NFX1: variants seen among roughly 807,000 people sequenced by gnomAD.
The protein encoded by NFX1 is nuclear transcription factor, X-box binding 1.
In NFX1, 69 loss-of-function variants were observed where a neutral mutation model predicts 137.2. That is an observed-to-expected ratio of 0.50 (90% CI 0.41 to 0.61). The LOEUF is 0.61. Ranked by LOEUF, NFX1 falls within the 20% of genes least tolerant of loss-of-function variation. The pLI is 0.00. For synonymous variants in NFX1, 495 were observed against 474.1 expected (o/e 1.04, Z -0.57); for missense variants, 1,167 against 1,391.0 (o/e 0.84, Z 2.56).
At chr9:33,345,212 C>T (rs536649619) in intron 14 of NFX1, among the ~76,000 whole-genome samples, 1 of 151,044 alleles carries the variant, frequency 6.6e-6, no homozygotes, top group South Asian at 2.1e-4. Context: ...TGCAGTGACT[C>T]ACACCTGTAA....
chr9:33,322,512 T>G (rs910442476), intron 9 of NFX1, among the ~76,000 whole-genome samples: 11 of 152,156 alleles, frequency 7.2e-5, no homozygotes, highest in South Asian at 4.1e-4. Flanking sequence ...GAAATTCTGG[T>G]GAGTGCAGCT....
intron 4 of NFX1, among the ~76,000 whole-genome samples, chr9:33,305,817 G>A (rs894303228): frequency 3.3e-5 from 5 of 152,196 alleles, no homozygotes; most frequent in African/African-American, 1.2e-4. Context: ...AGCTGGAGGA[G>A]TGAGCAGAAC....
intron 9 of NFX1, among the ~76,000 whole-genome samples, chr9:33,327,455 C>T (rs1282769222): frequency 6.6e-6 from 1 of 152,242 alleles, no homozygotes; most frequent in Non-Finnish European, 1.5e-5. Context: ...ACCTCCGCCT[C>T]CCAGGTTCAA....
chr9:33,324,578 G>A (rs186686808), intron 9 of NFX1, among the ~76,000 whole-genome samples: 171 of 152,126 alleles, frequency 1.1e-3, no homozygotes, highest in African/African-American at 4.0e-3. Context: ...CATTAAAGGG[G>A]CTCAATAGTA....
intron 1 of NFX1, among the ~76,000 whole-genome samples, chr9:33,291,857 C>G (rs772856084): frequency 6.6e-6 from 1 of 152,140 alleles, no homozygotes; most frequent in Admixed American, 6.5e-5. Context: ...GAGCCAAGAT[C>G]GTGCCACTGC....
At chr9:33,352,359 G>A (rs904856398) in intron 16 of NFX1, 1 of 536,346 alleles carries the variant, frequency 1.9e-6, no homozygotes, top group Non-Finnish European at 3.6e-6. Context: ...CCTAGGGCAA[G>A]TGTCTGTCTC....
At chr9:33,330,547 T>A (rs550091038) in intron 10 of NFX1, among the ~76,000 whole-genome samples, 1 of 152,350 alleles carries the variant, frequency 6.6e-6, no homozygotes, top group East Asian at 1.9e-4. Flanking sequence ...ATGCTGTGAT[T>A]TGGCAATCAT....
intron 19 of NFX1, among the ~76,000 whole-genome samples, chr9:33,362,082 C>G (rs1338168692): frequency 1.4e-5 from 2 of 141,390 alleles, no homozygotes; most frequent in African/African-American, 5.3e-5. Context: ...GATCATGCCA[C>G]TGCACTCCAG....
At chr9:33,309,988 A>T (rs1821905917) in intron 5 of NFX1, among the ~76,000 whole-genome samples, 1 of 152,234 alleles carries the variant, frequency 6.6e-6, no homozygotes, top group Non-Finnish European at 1.5e-5. Context: ...TGAGGTATAT[A>T]TAAAATATAA....
intron 2 of NFX1, among the ~76,000 whole-genome samples, chr9:33,297,130 C>T (rs1243362764): frequency 6.6e-6 from 1 of 152,196 alleles, no homozygotes; most frequent in African/African-American, 2.4e-5. Context: ...CCTCTCCTTA[C>T]TGCAAATCAG....
In NFX1 at chr9:33,307,202, A is replaced by G. The variant is rs1371445151; in HGVS notation, c.1279A>G (p.Lys427Glu). The change falls in exon 5 of 24, where the codon AAG becomes GAG. Residue 427 changes from lysine to glutamate, a missense_variant. Physicochemically the swap from Lys to Glu is moderately conservative, Grantham distance 56. Coordinates refer to ENST00000379540, the MANE Select transcript of NFX1 (RefSeq NM_002504.6). ...GATCTGATATGTTCTAGGCAAGGTA[A>G]AGAATCCTGAGTGGAGCAGAAATGA... ...NTYTCFCGKVKNPEWSRNEIP... is the reference protein window; with the variant it reads ...NTYTCFCGKVENPEWSRNEIP... 1.2e-6 allele frequency: 2 copies of G among 1,613,984 alleles called. No homozygotes were observed. The highest frequency in any genetic ancestry group is 1.3e-5 in the African/African-American group (1 of 74,930).
rs1479043873 is a variant in NFX1, at chr9:33,325,388, G to A, written c.1907-3193G>A. On this transcript the variant is annotated intron_variant, in intron 9 of 23. Transcript: ENST00000379540. Reference sequence around the variant, plus strand: ...TGAAAGAAAACTGGCAACTGGCCGGGCGCGGTGGCTCACGCCTGTAATCCC... The same window carrying A: ...TGAAAGAAAACTGGCAACTGGCCGGACGCGGTGGCTCACGCCTGTAATCCC... Among the ~76,000 whole-genome samples, 42 of 147,288 alleles carry A rather than the reference G, an allele frequency of 2.9e-4. No individual in the cohort carries two copies. The Admixed American group carries it at 2.9e-3, about 10-fold the overall frequency.
chr9:33,343,644 T>C (rs1823306363), intron 13 of NFX1, among the ~76,000 whole-genome samples: 1 of 152,214 alleles, frequency 6.6e-6, no homozygotes, highest in African/African-American at 2.4e-5. Context: ...TATTGGACTT[T>C]CTTGTACTTT....
intron 4 of NFX1, among the ~76,000 whole-genome samples, 185 bp downstream of exon 4, chr9:33,303,453 GCTGTT>G (rs777410050): frequency 6.7e-6 from 1 of 148,622 alleles, no homozygotes; most frequent in Non-Finnish European, 1.5e-5. Flanking sequence ...CTCCTGGCAA[GCTGTT>G]CTGGAGATGG....
intron 20 of NFX1, 86 bp from the exon 21 acceptor site, chr9:33,364,622 T>C (rs1824115627): frequency 3.4e-6 from 5 of 1,479,032 alleles, no homozygotes; most frequent in Non-Finnish European, 4.6e-6. Flanking sequence ...TTGTCTATTG[T>C]CTACGCTTTA....
chr9:33,301,458 C>A (rs1218866928), intron 3 of NFX1, 37 bp downstream of exon 3: 4 of 1,594,966 alleles, frequency 2.5e-6, no homozygotes, highest in African/African-American at 2.7e-5. Flanking sequence ...TTATTCTCCC[C>A]TATTTGATAC....
rs1823680110 is a variant in NFX1 at position 33,352,682 on chromosome 9, A to T, written c.2692A>T (p.Met898Leu). 1 of 1,614,106 alleles carries T rather than the reference A, an allele frequency of 6.2e-7. No homozygotes were observed. Among genetic ancestry groups the T allele is most frequent in the South Asian group, 1.1e-5 (1 of 91,094 alleles). Residue 898 changes from methionine to leucine, a missense_variant, in exon 17 of 24, where the codon ATG becomes TTG. Transcript: ENST00000379540. Reference sequence around the variant, plus strand: ...GTGTGAATGTGGACGAAGAAAAGAGATGGTGATTTGCTCTGAAGCATCTAG... The same window carrying T: ...GTGTGAATGTGGACGAAGAAAAGAGTTGGTGATTTGCTCTGAAGCATCTAG... Reference protein sequence around the residue: ...LQCECGRRKEMVICSEASSTY... With the variant: ...LQCECGRRKELVICSEASSTY...
In NFX1 at chr9:33,295,131, C is replaced by A. The variant is rs776073485; in HGVS notation, c.737C>A (p.Pro246His). Reference sequence around the variant, plus strand: ...CAGAGAAGATACCCACAGAAAAGGCCTCCCTGGGAAGTGGAGGGGGCCAGG... The same window carrying A: ...CAGAGAAGATACCCACAGAAAAGGCATCCCTGGGAAGTGGAGGGGGCCAGG... ...NEQRRYPQKR[P>H]PWEVEGARPR... The change falls in exon 2 of 24, where the codon CCT becomes CAT. Residue 246 changes from proline to histidine, a missense_variant. Pro to His is a moderately conservative substitution (Grantham distance 77). Coordinates refer to ENST00000379540, the MANE Select transcript of NFX1 (RefSeq NM_002504.6). 6 of 1,613,982 alleles carry A rather than the reference C, an allele frequency of 3.7e-6. No individual in the cohort carries two copies. In the Admixed American group the frequency reaches 5.0e-5, roughly 13 times the overall value.
chr9:33,317,141 G>A (rs527871046), intron 7 of NFX1, among the ~76,000 whole-genome samples: 70 of 152,118 alleles, frequency 4.6e-4, no homozygotes, highest in Middle Eastern at 3.4e-3. Context: ...CATATAGGCC[G>A]GGTGTAGTGG....
Sources: allele counts gnomAD v4.1 joint callset (sites outside exome capture counted in the v4.1 genomes callset), GRCh38; gene constraint gnomAD v4.1.1; transcripts MANE v1.5; gene names NCBI Gene and HGNC (gene_info 2026-07-23, HGNC 2026-07-21).